Variants in GRIK4 observed in about 807,000 individuals in gnomAD.
GRIK4 encodes the protein glutamate receptor ionotropic, kainate 4.
GRIK4 carries 40 observed loss-of-function variants against 104.9 expected under a neutral mutation model. That is an observed-to-expected ratio of 0.38 (90% CI 0.30 to 0.50). GRIK4 has a LOEUF of 0.50. GRIK4 is among the 20% of genes least tolerant of loss of function. GRIK4 has a pLI of 0.93. For missense variants in GRIK4, 1,047 were observed against 1,308.1 expected (o/e 0.80, Z 3.08); for synonymous variants, 485 against 524.9 (o/e 0.92, Z 1.04).
At chr11:120,599,641 G>C (rs571776454) in intron 1 of GRIK4, among the ~76,000 whole-genome samples, 1 of 152,222 alleles carries the variant, frequency 6.6e-6, no homozygotes, top group Non-Finnish European at 1.5e-5. Flanking sequence ...ATAGTGCCCC[G>C]TTTTCAGTGC....
intron 3 of GRIK4, among the ~76,000 whole-genome samples, chr11:120,690,335 C>G (rs1591807360): frequency 6.6e-6 from 1 of 152,186 alleles, no homozygotes; most frequent in Non-Finnish European, 1.5e-5. Flanking sequence ...CGAGAATGAT[C>G]TTTTGTGTGG....
chr11:120,839,725 A>G (rs997635932), intron 8 of GRIK4, among the ~76,000 whole-genome samples: 3 of 152,190 alleles, frequency 2.0e-5, no homozygotes, highest in Admixed American at 6.5e-5. Context: ...TGTGTCGGTA[A>G]TTACTGAGTA....
At position 120,731,423 on chromosome 11, in the gene GRIK4, G is replaced by T. The variant is rs768724939; in HGVS notation, c.82+71023G>T. On this transcript the variant is annotated intron_variant, in intron 3 of 20. Transcript: ENST00000527524. The stretch of plus-strand genomic sequence containing the variant: ...TGCATCCCTGGGATAAATCCTACTT[G>T]ATCATGATGAATGATCTTTTTAATA... Among the ~76,000 whole-genome samples the T allele has an allele frequency of 9.4e-4, 143 of 152,172 alleles. 2 individuals carry two copies. The highest frequency in any genetic ancestry group is 1.2e-3 in the Non-Finnish European group (79 of 68,002).
At chr11:120,673,913 T>A (rs1319858694) in intron 3 of GRIK4, among the ~76,000 whole-genome samples, 2 of 152,180 alleles carry the variant, frequency 1.3e-5, no homozygotes, top group African/African-American at 4.8e-5. Flanking sequence ...AAGTAACTCA[T>A]TCCTCCTTTG....
intron 3 of GRIK4, among the ~76,000 whole-genome samples, chr11:120,794,130 G>C (rs191614427): frequency 6.8e-5 from 10 of 147,960 alleles, no homozygotes; most frequent in Non-Finnish European, 1.3e-4. Context: ...GGTTACAGGT[G>C]AGGGAAGTTG....
chr11:120,692,449 A>G (rs1950381615), intron 3 of GRIK4, among the ~76,000 whole-genome samples: 2 of 152,144 alleles, frequency 1.3e-5, no homozygotes, highest in African/African-American at 4.8e-5. Flanking sequence ...GCATAAACAG[A>G]TCTTGACAAT....
rs113839247 is a variant in GRIK4 at position 120,848,058 on chromosome 11, G to A, written c.744+11214G>A. 7.0e-3 allele frequency among the ~76,000 whole-genome samples: 1,068 copies of A among 152,304 alleles called. 17 individuals carry two copies. Among genetic ancestry groups the A allele is most frequent in the African/African-American group, 0.025 (1,019 of 41,566 alleles). On this transcript the variant is annotated intron_variant, in intron 8 of 20. Transcript: ENST00000527524. ...AGGTGAACTTTATTCTGCCAACACT[G>A]GAGTGCATCCCTGTTCCTGACCCTG...
chr11:120,649,337 C>T (rs1356584609), intron 1 of GRIK4, among the ~76,000 whole-genome samples: 1 of 152,046 alleles, frequency 6.6e-6, no homozygotes, highest in Non-Finnish European at 1.5e-5. Context: ...TACTTTCTGA[C>T]GATGGTGGAT....
chr11:120,860,256 T>C (rs1490859955), intron 8 of GRIK4, among the ~76,000 whole-genome samples: 2 of 152,172 alleles, frequency 1.3e-5, no homozygotes, highest in Non-Finnish European at 2.9e-5. Flanking sequence ...CTGACGCACA[T>C]TTGAAGGCAT....
chr11:120,693,295 G>A (rs1268836341), intron 3 of GRIK4, among the ~76,000 whole-genome samples: 1 of 151,640 alleles, frequency 6.6e-6, no homozygotes, highest in East Asian at 1.9e-4. Context: ...AGTAGAGATA[G>A]GGTTTCACCA....
At chr11:120,891,415 GT>G (rs1343375411) in intron 11 of GRIK4, among the ~76,000 whole-genome samples, 1 of 152,242 alleles carries the variant, frequency 6.6e-6, no homozygotes, top group Non-Finnish European at 1.5e-5. Context: ...GAAAGCATGG[GT>G]TTACATCCCC....
chr11:120,778,515 A>T (rs1826957737), intron 3 of GRIK4, among the ~76,000 whole-genome samples: 1 of 152,232 alleles, frequency 6.6e-6, no homozygotes, highest in Non-Finnish European at 1.5e-5. Context: ...CTGATTTAAA[A>T]CATAAAGTTT....
At chr11:120,619,542 C>T (rs1266684224) in intron 1 of GRIK4, among the ~76,000 whole-genome samples, 6 of 152,090 alleles carry the variant, frequency 3.9e-5, no homozygotes, top group Non-Finnish European at 7.3e-5. Flanking sequence ...GTGTGTCCAC[C>T]CAAAGCTCAT....
chr11:120,986,414 C>A lies in GRIK4; in HGVS notation c.*154C>A, dbSNP rs962810517. 22 of 1,084,618 alleles carry A rather than the reference C, an allele frequency of 2.0e-5. No homozygotes were observed. In the African/African-American group the frequency reaches 3.5e-4, roughly 17 times the overall value. The allele number at this position is 1,084,618 out of a possible 1,614,324, so 67.2% of individuals were successfully genotyped here. ...TTTTCAAAAAGATCAAGGAGCCTGA[C>A]GCCCCAGCCAGAGACCGCGCCCGGT... is the stretch of plus-strand genomic sequence containing the variant. On this transcript the variant is annotated 3_prime_UTR_variant, in exon 21 of 21. Transcript: ENST00000527524.
chr11:120,879,276 C>T (rs1167468343), intron 11 of GRIK4, among the ~76,000 whole-genome samples: 1 of 152,220 alleles, frequency 6.6e-6, no homozygotes, highest in Non-Finnish European at 1.5e-5. Flanking sequence ...CTGCTGCCAC[C>T]TGCTGCAAAC....
chr11:120,523,547 G>A (rs553565692), intron 1 of GRIK4, among the ~76,000 whole-genome samples: 31 of 152,282 alleles, frequency 2.0e-4, no homozygotes, highest in African/African-American at 7.0e-4. Flanking sequence ...GCCATCCTGC[G>A]TTACTGCAGG....
intron 1 of GRIK4, among the ~76,000 whole-genome samples, chr11:120,593,539 G>T (rs1565564999): frequency 6.6e-6 from 1 of 151,850 alleles, no homozygotes; most frequent in Non-Finnish European, 1.5e-5. Flanking sequence ...ATCCCTTTCT[G>T]TTGACTCCCC....
Position 120,985,781 on chromosome 11 carries a change from T to A in GRIK4, c.2515-123T>A. 15 of 821,972 alleles carry A rather than the reference T, an allele frequency of 1.8e-5. No individual in the cohort carries two copies. The South Asian group carries it at 2.6e-4, about 14-fold the overall frequency. 50.9% of individuals were successfully genotyped at this position (821,972 alleles called of 1,614,324 possible). A position where few individuals can be genotyped will look rare whatever the true frequency, so the allele number is the denominator to read the frequency against. ...GATGGACTGAAAGGCTTTTATCATC[T>A]TCATACTTAAGATGACACGATTCTG... On this transcript the variant is annotated intron_variant, in intron 20 of 20. Transcript: ENST00000527524.
intron 3 of GRIK4, among the ~76,000 whole-genome samples, chr11:120,759,106 TGTGACACTGC>T (rs2135436853): frequency 6.6e-6 from 1 of 152,324 alleles, no homozygotes; most frequent in African/African-American, 2.4e-5. Context: ...ATGGCCTTCC[TGTGACACTGC>T]TATTTATTTT....
Sources: allele counts gnomAD v4.1 joint callset (sites outside exome capture counted in the v4.1 genomes callset), GRCh38; gene constraint gnomAD v4.1.1; transcripts MANE v1.5; gene names NCBI Gene and HGNC (gene_info 2026-07-23, HGNC 2026-07-21).